SORCS3: variants seen among roughly 807,000 people sequenced by gnomAD.
SORCS3 encodes the protein sortilin related VPS10 domain containing receptor 3, also known as VPS10 domain-containing receptor SorCS3.
A neutral mutation model predicts 146.3 loss-of-function variants in SORCS3; 57 were observed. The ratio of observed to expected loss-of-function variants is 0.39; its 90% CI spans 0.31 to 0.49. SORCS3 has a LOEUF of 0.49. Ranked by LOEUF, SORCS3 falls within the 20% of genes least tolerant of loss-of-function variation. SORCS3 has a pLI of 0.92. For missense variants in SORCS3, 1,341 were observed against 1,575.5 expected (o/e 0.85, Z 2.52); for synonymous variants, 653 against 618.5 (o/e 1.06, Z -0.83).
intron 3 of SORCS3, among the ~76,000 whole-genome samples, 171 bp from the exon 4 acceptor site, chr10:104,977,164 A>G (rs1333946405): frequency 6.6e-6 from 1 of 152,094 alleles, no homozygotes; most frequent in Non-Finnish European, 1.5e-5. Context: ...CAATTCGACA[A>G]TGAGAGACTA....
intron 1 of SORCS3, among the ~76,000 whole-genome samples, chr10:104,736,614 A>G (rs1294389344): frequency 6.6e-6 from 1 of 152,146 alleles, no homozygotes; most frequent in East Asian, 1.9e-4. Context: ...TTTGCAGTAT[A>G]TTGTACTAAA....
chr10:105,003,683 C>A (rs79411599), intron 4 of SORCS3, among the ~76,000 whole-genome samples: 4 of 152,144 alleles, frequency 2.6e-5, no homozygotes, highest in African/African-American at 9.7e-5. Flanking sequence ...CTAGCAGGAG[C>A]GTGTTGAAGC....
rs530052404 is a variant in SORCS3 at position 104,852,127 on chromosome 10, A to G, written c.695+9268A>G. Among the ~76,000 whole-genome samples, 447 of 152,304 alleles carry G rather than the reference A, an allele frequency of 2.9e-3. 2 individuals are homozygous for G. The highest frequency in any genetic ancestry group is 0.018 in the South Asian group (89 of 4,814). ...ACTGCTATTATTCTCTTAAACTTGT[A>G]TACTATTTTTAGTCATTGTCCACAT... On this transcript the variant is annotated intron_variant, in intron 2 of 26. Coordinates refer to ENST00000369701, the MANE Select transcript of SORCS3 (RefSeq NM_014978.3).
chr10:105,220,698 C>G (rs1228532310), intron 19 of SORCS3, among the ~76,000 whole-genome samples: 3 of 152,078 alleles, frequency 2.0e-5, no homozygotes, highest in Non-Finnish European at 4.4e-5. Flanking sequence ...TCATCTCCCC[C>G]CTTGGATGTG....
chr10:104,974,780 C>A (rs2054884462), intron 3 of SORCS3, among the ~76,000 whole-genome samples: 1 of 152,178 alleles, frequency 6.6e-6, no homozygotes, highest in Admixed American at 6.5e-5. Flanking sequence ...GATGCAGTTT[C>A]TTCCTAGCCT....
chr10:104,782,538 T>A (rs2017387336), intron 1 of SORCS3, among the ~76,000 whole-genome samples: 2 of 152,202 alleles, frequency 1.3e-5, no homozygotes, highest in African/African-American at 4.8e-5. Context: ...TAACTACACC[T>A]TACAAAGGTC....
intron 2 of SORCS3, among the ~76,000 whole-genome samples, chr10:104,895,280 C>T (rs941256991): frequency 6.6e-6 from 1 of 152,184 alleles, no homozygotes; most frequent in African/African-American, 2.4e-5. Flanking sequence ...TCCTTCCTCT[C>T]CATTTGTGAT....
At chr10:105,107,836 A>C (rs1486658182) in intron 7 of SORCS3, among the ~76,000 whole-genome samples, 2 of 152,194 alleles carry the variant, frequency 1.3e-5, no homozygotes, top group African/African-American at 4.8e-5. Context: ...TATAATTTAG[A>C]GTCCAAAACC....
chr10:105,115,568 A>G (rs2055888130), intron 7 of SORCS3, among the ~76,000 whole-genome samples: 1 of 152,140 alleles, frequency 6.6e-6, no homozygotes, highest in South Asian at 2.1e-4. Context: ...TTGATAACCA[A>G]CTTTTAATGA....
intron 4 of SORCS3, among the ~76,000 whole-genome samples, chr10:105,006,222 A>T (rs1350728025): frequency 6.6e-6 from 1 of 152,174 alleles, no homozygotes; most frequent in Non-Finnish European, 1.5e-5. Flanking sequence ...GATTACAGGC[A>T]TGAGCCACCA....
intron 4 of SORCS3, among the ~76,000 whole-genome samples, chr10:105,010,285 C>T (rs2055126472): frequency 6.6e-6 from 1 of 152,212 alleles, no homozygotes; most frequent in Non-Finnish European, 1.5e-5. Flanking sequence ...TTCTACTCCC[C>T]TATACTACTT....
chr10:104,687,156 T>C lies in SORCS3; in HGVS notation c.627+45202T>C, dbSNP rs139519066. On this transcript the variant is annotated intron_variant, in intron 1 of 26. Coordinates refer to ENST00000369701, the MANE Select transcript of SORCS3 (RefSeq NM_014978.3). ...ATCCATGCATTCATCCATGCATCCA[T>C]CCATTCCAGCCCTGCCTTACATCCC... Among the ~76,000 whole-genome samples the C allele has an allele frequency of 2.1e-3, 327 of 152,332 alleles. 2 individuals carry two copies. Among genetic ancestry groups the C allele is most frequent in the Non-Finnish European group, 5.3e-4 (36 of 68,026 alleles).
At chr10:104,857,923 G>A (rs1007487524) in intron 2 of SORCS3, among the ~76,000 whole-genome samples, 19 of 152,062 alleles carry the variant, frequency 1.2e-4, no homozygotes, top group African/African-American at 4.3e-4. Flanking sequence ...GGTAGGGGAG[G>A]ACTGTAACAA....
At chr10:105,106,757 C>CT (rs2055824786) in intron 7 of SORCS3, among the ~76,000 whole-genome samples, 1 of 152,172 alleles carries the variant, frequency 6.6e-6, no homozygotes, top group Non-Finnish European at 1.5e-5. Flanking sequence ...GGTTCTGTGG[C>CT]TTCAAAAATC....
chr10:104,970,061 C>T (rs548748970), intron 3 of SORCS3, among the ~76,000 whole-genome samples: 3 of 152,116 alleles, frequency 2.0e-5, no homozygotes, highest in East Asian at 3.9e-4. Flanking sequence ...TTTTCTGCAC[C>T]AGGGGAAAAA....
At chr10:105,032,225 G>A (rs1286077070) in intron 4 of SORCS3, among the ~76,000 whole-genome samples, 3 of 152,110 alleles carry the variant, frequency 2.0e-5, no homozygotes, top group African/African-American at 4.8e-5. Flanking sequence ...TTTCTCAGTG[G>A]CAGCCAAGGA....
chr10:105,065,211 C>T (rs1033740980), intron 5 of SORCS3, among the ~76,000 whole-genome samples: 1 of 152,092 alleles, frequency 6.6e-6, no homozygotes, highest in Admixed American at 6.6e-5. Flanking sequence ...TCCTTGTGCA[C>T]TTCAGCTTCC....
rs1401738247 is a variant in SORCS3 at position 104,672,412 on chromosome 10, A to G, written c.627+30458A>G. ...TTGTCAATCTCATTGATCTTTTCAA[A>G]TAACCAACTTTTGGTTTCGTTGATT... On this transcript the variant is annotated intron_variant, in intron 1 of 26. Coordinates refer to ENST00000369701, the MANE Select transcript of SORCS3 (RefSeq NM_014978.3). Among the ~76,000 whole-genome samples, 3 of 152,214 alleles carry G rather than the reference A, an allele frequency of 2.0e-5. No individual in the cohort carries two copies. The East Asian group carries it at 5.8e-4, about 29-fold the overall frequency.
chr10:104,714,821 T>A (rs538869592), intron 1 of SORCS3, among the ~76,000 whole-genome samples: 66 of 152,330 alleles, frequency 4.3e-4, no homozygotes, highest in Admixed American at 9.8e-4. Context: ...GCCCATACAA[T>A]GCTGCCTTCC....
Sources: gnomAD v4.1 joint callset for allele counts (sites outside exome capture counted in the v4.1 genomes callset) on GRCh38, gnomAD v4.1.1 for gene constraint, MANE v1.5 for transcripts, NCBI Gene and HGNC (gene_info 2026-07-23, HGNC 2026-07-21) for gene names.